Variants in SLC7A14 observed in about 807,000 individuals in gnomAD.
SLC7A14 encodes the protein gamma-aminobutyric acid transporter SLC7A14.
In SLC7A14, 37 loss-of-function variants were observed where a neutral mutation model predicts 60.2. The ratio of observed to expected loss-of-function variants is 0.61; its 90% CI spans 0.47 to 0.81. The LOEUF is 0.81. Ranked by LOEUF, SLC7A14 falls within the 30% of genes least tolerant of loss-of-function variation. The pLI, the probability that SLC7A14 is intolerant of heterozygous loss-of-function variation, is 0.00. For missense variants in SLC7A14, 886 were observed against 982.7 expected, an observed-to-expected ratio of 0.90 and a Z score of 1.32; for synonymous variants, 399 against 395.8, an observed-to-expected ratio of 1.01 and a Z score of -0.10.
At chr3:170,471,287 C>T (rs1010265497) in intron 7 of SLC7A14, among the ~76,000 whole-genome samples, 7 of 152,300 alleles carry the variant, frequency 4.6e-5, no homozygotes, top group African/African-American at 1.7e-4. Context: ...CATCTCCCGC[C>T]TACCAGGGAT....
At chr3:170,510,718 G>T (rs1712953404) in intron 2 of SLC7A14, among the ~76,000 whole-genome samples, 1 of 152,166 alleles carries the variant, frequency 6.6e-6, no homozygotes, top group South Asian at 2.1e-4. Flanking sequence ...GGCCCAGATT[G>T]GTCCTTCTTC....
chr3:170,582,537 C>G (rs1381824450), intron 1 of SLC7A14, among the ~76,000 whole-genome samples: 1 of 152,078 alleles, frequency 6.6e-6, no homozygotes, highest in Non-Finnish European at 1.5e-5. Context: ...TTCACAGGGC[C>G]CAGAGCACCT....
intron 7 of SLC7A14, among the ~76,000 whole-genome samples, chr3:170,478,425 CA>C (rs1711700689): frequency 9.0e-6 from 1 of 111,292 alleles, no homozygotes; most frequent in Non-Finnish European, 2.3e-5. Context: ...CTTGATGAGT[CA>C]GTGGGGTCCT....
In SLC7A14 at chr3:170,526,828, C is replaced by T. The variant is rs541180595; in HGVS notation, c.109G>A (p.Glu37Lys). ...TGTGCCGTGGTGGTCCCAGTTCCCT[C>T]TAGCATGGACTCCACTGGTTTGGTG... ...LRTKPVESML[E>K]GTGTTTAHGT... Residue 37 changes from glutamate to lysine, a missense_variant, in exon 2 of 8, where the codon GAG (glutamate) becomes AAG (lysine). By Grantham distance (56) the Glu-to-Lys change is moderately conservative. Coordinates refer to ENST00000231706, the MANE Select transcript of SLC7A14 (RefSeq NM_020949.3). 2.9e-5 allele frequency: 47 copies of T among 1,614,180 alleles called. 1 individual carries two copies. In the South Asian group the frequency reaches 5.1e-4, roughly 17 times the overall value.
chr3:170,530,260 GT>G (rs1713635221), intron 1 of SLC7A14, among the ~76,000 whole-genome samples: 1 of 152,214 alleles, frequency 6.6e-6, no homozygotes, highest in Non-Finnish European at 1.5e-5. Context: ...TGTACCAGAT[GT>G]CAGGGAAATG....
chr3:170,536,218 A>G (rs1279606389), intron 1 of SLC7A14, among the ~76,000 whole-genome samples: 1 of 152,258 alleles, frequency 6.6e-6, no homozygotes, highest in Non-Finnish European at 1.5e-5. Flanking sequence ...GAAACCACAA[A>G]GCAACCTATA....
At chr3:170,522,409 G>A (rs1285866218) in intron 2 of SLC7A14, among the ~76,000 whole-genome samples, 1 of 152,080 alleles carries the variant, frequency 6.6e-6, no homozygotes, top group African/African-American at 2.4e-5. Flanking sequence ...ACTGGTAAAA[G>A]GATAAACAAA....
chr3:170,502,279 C>T (rs528256960), intron 2 of SLC7A14, among the ~76,000 whole-genome samples: 1 of 152,276 alleles, frequency 6.6e-6, no homozygotes, highest in East Asian at 1.9e-4. Flanking sequence ...CCAGAATCAT[C>T]GATTGAATCC....
chr3:170,554,613 T>G (rs528794115), intron 1 of SLC7A14, among the ~76,000 whole-genome samples: 18 of 152,178 alleles, frequency 1.2e-4, no homozygotes, highest in Non-Finnish European at 2.2e-4. Context: ...CCCTGACCAC[T>G]GCAGTCACAG....
At position 170,585,728 on chromosome 3, in the gene SLC7A14, C is replaced by A. The variant is rs1258784471; in HGVS notation, c.-153+183G>T. Among the ~76,000 whole-genome samples the A allele has an allele frequency of 2.0e-5, 3 of 152,096 alleles. No individual in the cohort carries two copies. The highest frequency in any genetic ancestry group is 4.4e-5 in the Non-Finnish European group (3 of 67,996). Reference sequence around the variant, plus strand: ...AGCCCGACCCACCTCCTCGGTTCTTCCAGGGAACCCCTTCTCGGAGGGCGC... The same window carrying A: ...AGCCCGACCCACCTCCTCGGTTCTTACAGGGAACCCCTTCTCGGAGGGCGC... On this transcript the variant is annotated intron_variant, in intron 1 of 7. Transcript: ENST00000231706. This position sits in a 1 kb window ranked among gnomAD's most constrained non-coding sequence, Gnocchi z 5.1.
chr3:170,554,381 T>A (rs1714432138), intron 1 of SLC7A14, among the ~76,000 whole-genome samples: 1 of 152,254 alleles, frequency 6.6e-6, no homozygotes, highest in South Asian at 2.1e-4. Flanking sequence ...GGAGGTTTAT[T>A]AATTCACATT....
At chr3:170,567,731 G>T (rs1714834225) in intron 1 of SLC7A14, among the ~76,000 whole-genome samples, 2 of 152,126 alleles carry the variant, frequency 1.3e-5, no homozygotes, top group Middle Eastern at 3.4e-3. Context: ...TCTCATTGTG[G>T]TTTTGATTTG....
intron 7 of SLC7A14, among the ~76,000 whole-genome samples, chr3:170,472,197 C>T (rs868721015): frequency 1.4e-5 from 2 of 147,474 alleles, no homozygotes; most frequent in African/African-American, 5.2e-5. Flanking sequence ...GGTGAAACCC[C>T]GTCTACTAAA....
In SLC7A14 at chr3:170,583,113, T is replaced by C. The variant is rs1006665309; in HGVS notation, c.-153+2798A>G. Among the ~76,000 whole-genome samples, 4 of 152,232 alleles carry C rather than the reference T, an allele frequency of 2.6e-5. No individual in the cohort carries two copies. In the South Asian group the frequency reaches 8.3e-4, roughly 32 times the overall value. On this transcript the variant is annotated intron_variant, in intron 1 of 7. Transcript: ENST00000231706. Reference sequence around the variant, plus strand: ...TATTAGGGCCTTTTCCCAGTCCCTATGAGAACATGGGCAGTTGCTTAGGGT... The same window carrying C: ...TATTAGGGCCTTTTCCCAGTCCCTACGAGAACATGGGCAGTTGCTTAGGGT...
chr3:170,509,289 T>C lies in SLC7A14; in HGVS notation c.305-7944A>G, dbSNP rs139218047. ...AGGCGCCAGGTGGACAGTAACCACCTGTGTTTAGGGGACAGGCAGCATCAT... is the reference window on the plus strand; with the variant it reads ...AGGCGCCAGGTGGACAGTAACCACCCGTGTTTAGGGGACAGGCAGCATCAT... On this transcript the variant is annotated intron_variant, in intron 2 of 7. Coordinates refer to ENST00000231706, the MANE Select transcript of SLC7A14 (RefSeq NM_020949.3). 1.8e-3 allele frequency among the ~76,000 whole-genome samples: 278 copies of C among 152,298 alleles called. 2 individuals carry two copies. Among genetic ancestry groups the C allele is most frequent in the African/African-American group, 6.2e-3 (259 of 41,562 alleles).
intron 2 of SLC7A14, among the ~76,000 whole-genome samples, chr3:170,512,259 A>C (rs1028912710): frequency 2.6e-5 from 4 of 152,322 alleles, no homozygotes; most frequent in African/African-American, 7.2e-5. Flanking sequence ...TCCCCAGCCC[A>C]GATGAGGAGC....
rs1713699170 is a variant in SLC7A14, at chr3:170,532,210, A to G, written c.-152-5122T>C. Among the ~76,000 whole-genome samples the G allele has an allele frequency of 6.6e-6, 1 of 151,638 alleles. No individual in the cohort carries two copies. The highest frequency in any genetic ancestry group is 2.4e-5 in the African/African-American group (1 of 40,944). ...ACGTGGTGGGACAGTTAGGATTGCT[A>G]CAAGATTCTTTTAATTGATGTCCCC... On this transcript the variant is annotated intron_variant, in intron 1 of 7. Transcript: ENST00000231706. This position sits in a 1 kb window ranked among gnomAD's most constrained non-coding sequence, Gnocchi z 4.0.
intron 1 of SLC7A14, among the ~76,000 whole-genome samples, chr3:170,580,103 C>T (rs1000648644): frequency 4.6e-5 from 7 of 152,130 alleles, no homozygotes; most frequent in African/African-American, 9.7e-5. Flanking sequence ...TAGAGATAGA[C>T]GAGTGTATGG....
At chr3:170,533,674 TGTGTG>T in intron 1 of SLC7A14, among the ~76,000 whole-genome samples, 1 of 151,820 alleles carries the variant, frequency 6.6e-6, no homozygotes, top group Non-Finnish European at 1.5e-5. Flanking sequence ...TGTGTGTGTG[TGTGTG>T]GTGTGTGTGT....
Sources: gnomAD v4.1 joint callset for allele counts (sites outside exome capture counted in the v4.1 genomes callset) on GRCh38, gnomAD v4.1.1 for gene constraint, Gnocchi (gnomAD v3.1) non-coding constraint, MANE v1.5 for transcripts, NCBI Gene and HGNC (gene_info 2026-07-23, HGNC 2026-07-21) for gene names.